VPS13B: variants seen among roughly 807,000 people sequenced by gnomAD.
The protein encoded by VPS13B is vacuolar protein sorting 13 homolog B.
A neutral mutation model predicts 426.4 loss-of-function variants in VPS13B; 285 were observed. The ratio of observed to expected loss-of-function variants is 0.67; its 90% CI spans 0.61 to 0.74. The LOEUF (loss-of-function observed/expected upper bound fraction) is 0.74, where lower values mean the gene tolerates loss of function less well. Among genes scored for constraint, VPS13B ranks in the 30% least tolerant of loss-of-function variants. The probability of loss-of-function intolerance (pLI) is 0.00; values close to 1 mark genes in which losing one functional copy is unlikely to be tolerated. For synonymous variants in VPS13B, 1,676 were observed against 1,676.4 expected (o/e 1.00, Z 0.01); for missense variants, 4,537 against 4,782.6 (o/e 0.95, Z 1.51).
At chr8:99,767,397 C>T (rs1811279532) in intron 40 of VPS13B, among the ~76,000 whole-genome samples, 2 of 146,506 alleles carry the variant, frequency 1.4e-5, no homozygotes, top group Admixed American at 1.4e-4. Flanking sequence ...GAATTGTCTC[C>T]TTCTAAAAGG....
Position 99,501,709 on chromosome 8 carries a change from A to T in VPS13B, c.3893A>T (p.Glu1298Val), listed in dbSNP as rs1397334115. 6.2e-7 allele frequency: 1 copy of T among 1,614,046 alleles called. No individual in the cohort carries two copies. The highest frequency in any genetic ancestry group is 1.3e-5 in the African/African-American group (1 of 75,014). The change falls in exon 26 of 62, where the codon GAG becomes GTG. Residue 1298 changes from glutamate to valine, a missense_variant. By Grantham distance (121) the Glu-to-Val change is moderately radical. This residue lies in a region of VPS13B where 4,311 missense variants were observed against 4,474.3 expected (regional missense o/e 0.96). Coordinates refer to ENST00000357162, the MANE Select transcript of VPS13B (RefSeq NM_152564.5). The part of the protein sequence containing the change: ...TTEGDSIQAG[E>V]ESPFSDSVTL... The stretch of plus-strand genomic sequence containing the variant: ...CAGGGAGATTCTATACAAGCAGGTG[A>T]GGAATCACCATTCTCAGATTCTGTG...
chr8:99,099,332 C>T (rs1846604460), intron 4 of VPS13B, among the ~76,000 whole-genome samples: 1 of 152,116 alleles, frequency 6.6e-6, no homozygotes, highest in Admixed American at 6.5e-5. Flanking sequence ...CTACATAATG[C>T]TCAAATAAAT....
intron 19 of VPS13B, among the ~76,000 whole-genome samples, chr8:99,308,760 T>A (rs532898555): frequency 0.01 from 1,535 of 152,320 alleles, 34 homozygotes; most frequent in African/African-American, 0.035. Context: ...CGCCACACTG[T>A]CTTCCACAAT....
At chr8:99,154,003 C>T (rs1245991903) in intron 14 of VPS13B, among the ~76,000 whole-genome samples, 2 of 151,580 alleles carry the variant, frequency 1.3e-5, no homozygotes, top group African/African-American at 2.4e-5. Context: ...GTTTTACTCT[C>T]TTCTTGCTTA....
At chr8:99,327,356 A>G (rs547986787) in intron 19 of VPS13B, among the ~76,000 whole-genome samples, 7 of 152,348 alleles carry the variant, frequency 4.6e-5, no homozygotes, top group African/African-American at 1.2e-4. Flanking sequence ...ACATTAATGT[A>G]GTATTTAGAT....
intron 43 of VPS13B, among the ~76,000 whole-genome samples, chr8:99,803,563 T>C (rs1813240484): frequency 6.6e-6 from 1 of 152,218 alleles, no homozygotes; most frequent in South Asian, 2.1e-4. Flanking sequence ...ATTCTATAAA[T>C]GTGAAAGGAT....
intron 34 of VPS13B, among the ~76,000 whole-genome samples, chr8:99,657,978 A>G (rs1830081866): frequency 6.6e-6 from 1 of 152,212 alleles, no homozygotes; most frequent in Non-Finnish European, 1.5e-5. Context: ...TTTTAAATTT[A>G]TGCTAATCTA....
intron 22 of VPS13B, among the ~76,000 whole-genome samples, chr8:99,433,234 A>G (rs1405866632): frequency 6.6e-6 from 1 of 152,130 alleles, no homozygotes; most frequent in Non-Finnish European, 1.5e-5. Context: ...GATTATCTTC[A>G]CCCACCATGG....
intron 34 of VPS13B, among the ~76,000 whole-genome samples, chr8:99,652,650 C>T (rs1246429899): frequency 6.6e-6 from 1 of 151,928 alleles, no homozygotes; most frequent in Non-Finnish European, 1.5e-5. Context: ...TCTTACACCT[C>T]ATAAATCATA....
At chr8:99,647,467 G>A (rs573506517) in intron 34 of VPS13B, among the ~76,000 whole-genome samples, 9 of 151,402 alleles carry the variant, frequency 5.9e-5, no homozygotes, top group South Asian at 4.2e-4. Context: ...AGGCTGAGGC[G>A]GAAGAATCAC....
chr8:99,540,053 ATATATATATATTTTTTTTTTTTTT>A (rs1823517477), intron 30 of VPS13B, among the ~76,000 whole-genome samples: 1 of 5,516 alleles, frequency 1.8e-4, no homozygotes, highest in African/African-American at 6.6e-4. Context: ...ATATATATAT[ATATATATATATTTTTTTTTTTTTT>A]TTTTTTTTTT....
At chr8:99,210,932 C>T (rs1018633961) in intron 17 of VPS13B, among the ~76,000 whole-genome samples, 1 of 152,142 alleles carries the variant, frequency 6.6e-6, no homozygotes, top group Non-Finnish European at 1.5e-5. Flanking sequence ...ACTGTCTTTC[C>T]TATTGGTATG....
intron 57 of VPS13B, among the ~76,000 whole-genome samples, chr8:99,861,551 G>T (rs558190756): frequency 6.6e-6 from 1 of 152,326 alleles, no homozygotes; most frequent in South Asian, 2.1e-4. Context: ...ATCCTCCTGC[G>T]CTGGCCTCCC....
Position 99,318,620 on chromosome 8 carries a change from A to G in VPS13B, c.2824+43366A>G, listed in dbSNP as rs1018081272. On this transcript the variant is annotated intron_variant, in intron 19 of 61. Transcript: ENST00000357162. ...CTGCAACCTCCACCTCCTGGGTTCA[A>G]GCGATTCTCCTGCCTCAGCCTCCTG... Among the ~76,000 whole-genome samples, 15 of 152,102 alleles carry G rather than the reference A, an allele frequency of 9.9e-5. 1 individual carries two copies. The highest frequency in any genetic ancestry group is 9.2e-4 in the Admixed American group (14 of 15,268).
intron 33 of VPS13B, among the ~76,000 whole-genome samples, chr8:99,594,233 T>C (rs1376980933): frequency 2.0e-5 from 3 of 151,948 alleles, no homozygotes; most frequent in Non-Finnish European, 4.4e-5. Flanking sequence ...ACTTGAGCTT[T>C]GTTGTTGGAG....
At chr8:99,134,914 A>G (rs1157002909) in intron 9 of VPS13B, 101 bp from the exon 10 acceptor site, 1 of 1,410,420 alleles carries the variant, frequency 7.1e-7, no homozygotes, top group Non-Finnish European at 9.8e-7. Flanking sequence ...AAATGACATA[A>G]TTCTAAAGAT....
At position 99,363,570 on chromosome 8, in the gene VPS13B, G is replaced by A. The variant is rs187268928; in HGVS notation, c.2825-20638G>A. Among the ~76,000 whole-genome samples the A allele has an allele frequency of 1.4e-3, 211 of 152,162 alleles. 1 individual carries two copies. The highest frequency in any genetic ancestry group is 4.8e-3 in the African/African-American group (200 of 41,536). On this transcript the variant is annotated intron_variant, in intron 19 of 61. Coordinates refer to ENST00000357162, the MANE Select transcript of VPS13B (RefSeq NM_152564.5). ...GTAGATTGCTCTGGGTAGTATGGAC[G>A]TTTTAACAATATTGATTCTTCTAAT... is the stretch of plus-strand genomic sequence containing the variant.
chr8:99,556,998 T>C (rs1824615648), intron 31 of VPS13B, among the ~76,000 whole-genome samples: 2 of 152,112 alleles, frequency 1.3e-5, no homozygotes. Context: ...GACTCTCCTT[T>C]TTGCTTATAA....
chr8:99,489,287 C>T (rs1262315310), intron 25 of VPS13B, among the ~76,000 whole-genome samples: 2 of 151,508 alleles, frequency 1.3e-5, no homozygotes, highest in Non-Finnish European at 2.9e-5. Flanking sequence ...GTTACTGTAG[C>T]CTTGTAGTAT....
Sources: allele counts gnomAD v4.1 joint callset (sites outside exome capture counted in the v4.1 genomes callset), GRCh38; gene constraint gnomAD v4.1.1; regional missense constraint gnomAD v4.1.1; transcripts MANE v1.5; gene names NCBI Gene and HGNC (gene_info 2026-07-23, HGNC 2026-07-21).